The following ANGPT1 variants were observed in gnomAD, a reference collection of about 807,000 sequenced individuals.
The protein encoded by ANGPT1 is angiopoietin 1.
In ANGPT1, 17 loss-of-function variants were observed where a neutral mutation model predicts 62.2. The observed-to-expected ratio is 0.27, with a 90% CI of 0.19 to 0.41. ANGPT1 has a LOEUF of 0.41. Among genes scored for constraint, ANGPT1 ranks in the 10% least tolerant of loss-of-function variants. The pLI is 1.00. For missense variants in ANGPT1, 478 were observed against 594.9 expected, an observed-to-expected ratio of 0.80 and a Z score of 2.04; for synonymous variants, 199 against 198.9, an observed-to-expected ratio of 1.00 and a Z score of 0.00.
intron 3 of ANGPT1, among the ~76,000 whole-genome samples, chr8:107,326,674 C>T (rs1443345172): frequency 6.6e-6 from 1 of 152,120 alleles, no homozygotes; most frequent in African/African-American, 2.4e-5. Context: ...ACCATCTCTA[C>T]TTATTATCTT....
At chr8:107,362,542 A>G (rs537448177) in intron 1 of ANGPT1, among the ~76,000 whole-genome samples, 72 of 152,194 alleles carry the variant, frequency 4.7e-4, no homozygotes, top group Admixed American at 1.2e-3. Context: ...CTCATAATTC[A>G]TAGCTTTAAT....
At chr8:107,319,172 G>A (rs17296316) in intron 4 of ANGPT1, among the ~76,000 whole-genome samples, 19,200 of 152,190 alleles carry the variant, frequency 0.13, 1,508 homozygotes, top group East Asian at 0.34. Flanking sequence ...AGCATCTAAT[G>A]TAATTCTTTC....
intron 1 of ANGPT1, among the ~76,000 whole-genome samples, chr8:107,396,397 G>A (rs1357370196): frequency 6.6e-6 from 1 of 151,352 alleles, no homozygotes; most frequent in Admixed American, 6.6e-5. Flanking sequence ...TATTATAATA[G>A]GTAAACCAAA....
intron 2 of ANGPT1, among the ~76,000 whole-genome samples, chr8:107,337,780 C>T (rs1044077627): frequency 1.3e-5 from 2 of 152,062 alleles, no homozygotes; most frequent in African/African-American, 4.8e-5. Flanking sequence ...ACATCAGATG[C>T]ACACAGAAAG....
intron 1 of ANGPT1, among the ~76,000 whole-genome samples, chr8:107,459,396 C>G (rs150851373): frequency 8.6e-5 from 13 of 151,842 alleles, no homozygotes; most frequent in African/African-American, 3.1e-4. Flanking sequence ...CTAAGTCAGC[C>G]GGAAATCCCT....
intron 1 of ANGPT1, among the ~76,000 whole-genome samples, chr8:107,401,352 ACTT>A (rs756627896): frequency 6.6e-6 from 1 of 152,170 alleles, no homozygotes; most frequent in Non-Finnish European, 1.5e-5. Context: ...TTCAGATACA[ACTT>A]CTTTTCTCTG....
At chr8:107,457,876 GA>G (rs544847621) in intron 1 of ANGPT1, among the ~76,000 whole-genome samples, 141 of 147,966 alleles carry the variant, frequency 9.5e-4, no homozygotes, top group African/African-American at 3.2e-3. Flanking sequence ...ACCAAGAGGG[GA>G]AAAAAATACC....
At chr8:107,291,065 A>G (rs1368252015) in intron 6 of ANGPT1, among the ~76,000 whole-genome samples, 2 of 152,186 alleles carry the variant, frequency 1.3e-5, no homozygotes, top group African/African-American at 4.8e-5. Flanking sequence ...GATTAGCCTG[A>G]GTCTCTATCT....
intron 1 of ANGPT1, among the ~76,000 whole-genome samples, chr8:107,412,347 TC>T (rs1563611072): frequency 1.3e-5 from 2 of 152,108 alleles, no homozygotes; most frequent in Admixed American, 6.6e-5. Flanking sequence ...TTCTCTTGAA[TC>T]ATGGGCTTCA....
chr8:107,323,739 GGTACT>G (rs1456514066), intron 3 of ANGPT1, among the ~76,000 whole-genome samples: 1 of 151,988 alleles, frequency 6.6e-6, no homozygotes, highest in East Asian at 1.9e-4. Context: ...CTATGTGTCA[GGTACT>G]GTTTTTTTGT....
intron 1 of ANGPT1, among the ~76,000 whole-genome samples, chr8:107,372,546 A>C (rs1184648423): frequency 6.6e-6 from 1 of 152,080 alleles, no homozygotes; most frequent in African/African-American, 2.4e-5. Context: ...AACTTATCAG[A>C]TAACTAAGAT....
At position 107,497,596 on chromosome 8, in the gene ANGPT1, ACTTG is replaced by A; in HGVS notation, c.-42_-39del. ...ACACTCCTTCCGTGCCTCTCGCAAA[ACTTG>A]CTCCTTTCTTCTGACCTCTAAAACT... On this transcript the variant is annotated 5_prime_UTR_variant, in exon 1 of 9. Transcript: ENST00000517746. 1 of 1,587,908 alleles carries A rather than the reference ACTTG, an allele frequency of 6.3e-7. No homozygotes were observed. Among genetic ancestry groups the A allele is most frequent in the Non-Finnish European group, 8.6e-7 (1 of 1,164,472 alleles).
chr8:107,454,763 T>A (rs1383986079), intron 1 of ANGPT1, among the ~76,000 whole-genome samples: 1 of 152,094 alleles, frequency 6.6e-6, no homozygotes, highest in Non-Finnish European at 1.5e-5. Context: ...CAACTCACAG[T>A]AGTATTTATT....
intron 1 of ANGPT1, among the ~76,000 whole-genome samples, chr8:107,364,661 G>A (rs1418368801): frequency 6.6e-6 from 1 of 152,114 alleles, no homozygotes; most frequent in East Asian, 1.9e-4. Context: ...TTCTTCTAAT[G>A]GATTTTCAAA....
intron 1 of ANGPT1, among the ~76,000 whole-genome samples, chr8:107,496,198 G>A (rs1441587994): frequency 6.6e-6 from 1 of 152,188 alleles, no homozygotes; most frequent in Non-Finnish European, 1.5e-5. Context: ...CCATTAACAA[G>A]GGAGAGAAGC....
chr8:107,262,399 A>G (rs747906576), intron 8 of ANGPT1, among the ~76,000 whole-genome samples: 32 of 152,176 alleles, frequency 2.1e-4, no homozygotes, highest in African/African-American at 6.8e-4. Flanking sequence ...ACATTTTCTA[A>G]TAAGTTTCTA....
Position 107,264,331 on chromosome 8 carries a change from G to C in ANGPT1, c.1226C>G (p.Thr409Ser). 6.2e-7 allele frequency: 1 copy of C among 1,613,720 alleles called. No homozygotes were observed. Among genetic ancestry groups the C allele is most frequent in the South Asian group, 1.1e-5 (1 of 91,008 alleles). ...GCTGCTCTGTTTTCCTGCTGTCCCA[G>C]TGTGACCTTTTAAATACAACCTGAA... ...QNYRLYLKGH[T>S]GTAGKQSSLI... The change falls in exon 8 of 9, where the codon ACT becomes AGT. Residue 409 changes from threonine to serine, a missense_variant. Coordinates refer to ENST00000517746, the MANE Select transcript of ANGPT1 (RefSeq NM_001146.5).
chr8:107,492,742 A>G (rs1399331717), intron 1 of ANGPT1, among the ~76,000 whole-genome samples: 1 of 150,598 alleles, frequency 6.6e-6, no homozygotes, highest in Admixed American at 6.7e-5. Context: ...CACCAAAACA[A>G]TAATATACCA....
intron 1 of ANGPT1, among the ~76,000 whole-genome samples, chr8:107,428,833 C>T (rs903175783): frequency 1.3e-5 from 2 of 152,148 alleles, no homozygotes; most frequent in South Asian, 2.1e-4. Flanking sequence ...TCCCAATCCA[C>T]CCAAAGGTAT....
Sources: gnomAD v4.1 joint callset for allele counts (sites outside exome capture counted in the v4.1 genomes callset) on GRCh38, gnomAD v4.1.1 for gene constraint, MANE v1.5 for transcripts, NCBI Gene and HGNC (gene_info 2026-07-23, HGNC 2026-07-21) for gene names.